TP53BP1: variants seen among roughly 807,000 people sequenced by gnomAD.
The protein encoded by TP53BP1 is tumor protein p53 binding protein 1.
TP53BP1 carries 61 observed loss-of-function variants against 200.8 expected under a neutral mutation model. The ratio of observed to expected loss-of-function variants is 0.30; its 90% CI spans 0.25 to 0.38. The LOEUF (loss-of-function observed/expected upper bound fraction) is 0.38. Among genes scored for constraint, TP53BP1 ranks in the 10% least tolerant of loss-of-function variants. The pLI is 1.00. For missense variants in TP53BP1, 2,144 were observed against 2,371.9 expected (o/e 0.90, Z 2.00); for synonymous variants, 822 against 844.3 (o/e 0.97, Z 0.46).
chr15:43,485,299 C>A (rs1478088822), intron 4 of TP53BP1, among the ~76,000 whole-genome samples: 1 of 152,114 alleles, frequency 6.6e-6, no homozygotes, highest in Non-Finnish European at 1.5e-5. Flanking sequence ...GTACTTTGGC[C>A]GGGCACGGTG....
intron 14 of TP53BP1, among the ~76,000 whole-genome samples, chr15:43,442,555 C>T (rs1334215350): frequency 6.6e-6 from 1 of 151,144 alleles, no homozygotes; most frequent in Non-Finnish European, 1.5e-5. Context: ...TAGAGTGCAG[C>T]GGCGTAATCT....
At chr15:43,494,562 T>G (rs1278058561), upstream of TP53BP1, among the ~76,000 whole-genome samples, 1 of 152,190 alleles carries the variant, frequency 6.6e-6, no homozygotes, top group African/African-American at 2.4e-5. Flanking sequence ...CAGAGATGCA[T>G]CTCACTTCTT....
chr15:43,488,367 T>A (rs1179438084), intron 4 of TP53BP1, among the ~76,000 whole-genome samples: 1 of 151,550 alleles, frequency 6.6e-6, no homozygotes, highest in Non-Finnish European at 1.5e-5. Flanking sequence ...TATTTTGAAA[T>A]GACATTTTAC....
At chr15:43,501,039 C>CAT (rs1476959532) in intron 1 of TP53BP1, among the ~76,000 whole-genome samples, 4 of 151,984 alleles carry the variant, frequency 2.6e-5, no homozygotes, top group African/African-American at 9.7e-5. Context: ...CTAAAAAACA[C>CAT]ATATATATAA....
chr15:43,406,479 C>A lies in TP53BP1; in HGVS notation c.*904G>T. 2.5e-6 allele frequency: 1 copy of A among 402,738 alleles called. No homozygotes were observed. 24.9% of individuals were successfully genotyped at this position (402,738 alleles called of 1,614,324 possible). A position where few individuals can be genotyped will look rare whatever the true frequency, so the allele number is the denominator to read the frequency against. On this transcript the variant is annotated 3_prime_UTR_variant, in exon 28 of 28. Transcript: ENST00000382044. The stretch of plus-strand genomic sequence containing the variant: ...TTTGTACAGTTTTACTGAAACACAG[C>A]CATGCCCATTTGTTTACTCATTGTC...
Position 43,428,003 on chromosome 15 carries a change from G to T in TP53BP1, c.3828+13C>A. ...GAAAGAAATTTGCCACACAGACTCAGAGTATGTATTACCTCAGTTACTTTT... is the reference window on the plus strand; with the variant it reads ...GAAAGAAATTTGCCACACAGACTCATAGTATGTATTACCTCAGTTACTTTT... On this transcript the variant is annotated intron_variant, in intron 18 of 27. Transcript: ENST00000382044. 1 of 1,547,808 alleles carries T rather than the reference G, an allele frequency of 6.5e-7. No individual in the cohort carries two copies.
In TP53BP1 at chr15:43,456,079, C is replaced by T. The variant is rs765979667; in HGVS notation, c.2529G>A (p.Val843=). ...QDSSQPSLPL[V]RADDPLRLDQ... ...CAAGTCTTAAAGGATCATCTGCTCT[C>T]ACTAAAGGTAAGGAAGGCTGTGAAG... The change falls in exon 12 of 28, where the codon GTG becomes GTA. Residue 843 remains valine, a synonymous_variant. Transcript: ENST00000382044. 1.2e-6 allele frequency: 2 copies of T among 1,614,214 alleles called. No individual in the cohort carries two copies. Among genetic ancestry groups the T allele is most frequent in the Non-Finnish European group, 1.7e-6 (2 of 1,180,042 alleles).
intron 10 of TP53BP1, among the ~76,000 whole-genome samples, chr15:43,473,093 T>A (rs1242344124): frequency 6.6e-6 from 1 of 152,138 alleles, no homozygotes; most frequent in Non-Finnish European, 1.5e-5. Flanking sequence ...TGTTCGTTCC[T>A]CCCAGTGGGC....
intron 1 of TP53BP1, among the ~76,000 whole-genome samples, chr15:43,492,742 C>T (rs1332178716): frequency 1.3e-5 from 2 of 151,440 alleles, no homozygotes; most frequent in East Asian, 3.9e-4. Context: ...CTAACCTCTT[C>T]TCTCCCCGCC....
chr15:43,509,164 C>G (rs2079255238), intron 1 of TP53BP1, among the ~76,000 whole-genome samples: 2 of 119,860 alleles, frequency 1.7e-5, no homozygotes. Context: ...TCTCCAAGCT[C>G]TTTTCCAGAT....
intron 1 of TP53BP1, among the ~76,000 whole-genome samples, chr15:43,508,070 A>G (rs929977115): frequency 6.6e-6 from 1 of 152,170 alleles, no homozygotes; most frequent in Non-Finnish European, 1.5e-5. Flanking sequence ...ACACTTAAAC[A>G]TATTTTCTGG....
At chr15:43,427,017 CAAAAAAAA>C (rs1230749433) in intron 18 of TP53BP1, among the ~76,000 whole-genome samples, 1 of 67,672 alleles carries the variant, frequency 1.5e-5, no homozygotes, top group Non-Finnish European at 3.0e-5. Flanking sequence ...GACTCTGCCT[CAAAAAAAA>C]AAAAAAAAAA....
chr15:43,412,386 C>T lies in TP53BP1; in HGVS notation c.5305+733G>A, dbSNP rs188406683. On this transcript the variant is annotated intron_variant, in intron 24 of 27. Coordinates refer to ENST00000382044, the MANE Select transcript of TP53BP1 (RefSeq NM_001141980.3). The stretch of plus-strand genomic sequence containing the variant: ...AACATCATTCCATCTGGACCTTTAG[C>T]CTTTACAGACACATTCAGATACTGC... Among the ~76,000 whole-genome samples, 41 of 152,252 alleles carry T rather than the reference C, an allele frequency of 2.7e-4. 1 individual carries two copies. The East Asian group carries it at 7.7e-3, about 29-fold the overall frequency.
chr15:43,463,759 C>CAT (rs2046495222), intron 11 of TP53BP1, among the ~76,000 whole-genome samples: 1 of 152,210 alleles, frequency 6.6e-6, no homozygotes, highest in Non-Finnish European at 1.5e-5. Flanking sequence ...CCCATAATCT[C>CAT]ACCCTGCCCC....
rs1267620308 is a variant in TP53BP1, at chr15:43,413,321, T to C, written c.5103A>G (p.Ala1701=). Reference sequence around the variant, plus strand: ...TCTCACAGGGGCTCACAAACTCTCCTGCCCCTACTGCACCTGGGAAGGACA... The same window carrying C: ...TCTCACAGGGGCTCACAAACTCTCCCGCCCCTACTGCACCTGGGAAGGACA... ...SATVKPGAVG[A]GEFVSPCESG... The change falls in exon 24 of 28, where the codon GCA becomes GCG. Residue 1701 remains alanine, a synonymous_variant. Coordinates refer to ENST00000382044, the MANE Select transcript of TP53BP1 (RefSeq NM_001141980.3). The C allele has an allele frequency of 6.2e-7, 1 of 1,613,814 alleles. No homozygotes were observed. The highest frequency in any genetic ancestry group is 8.5e-7 in the Non-Finnish European group (1 of 1,179,926).
chr15:43,405,079 C>T lies in TP53BP1; in HGVS notation c.*2304G>A, dbSNP rs2044821676. 2 of 1,137,042 alleles carry T rather than the reference C, an allele frequency of 1.8e-6. No homozygotes were observed. Among genetic ancestry groups the T allele is most frequent in the South Asian group, 2.8e-5 (2 of 71,072 alleles). The allele number at this position is 1,137,042 out of a possible 1,614,324, so 70.4% of individuals were successfully genotyped here. On this transcript the variant is annotated 3_prime_UTR_variant, in exon 28 of 28. Transcript: ENST00000382044. ...TTCTAAGCTATTGTAGCAGAAGAGT[C>T]AAAAGAAACTCTTCAGTTTTAAGAT...
intron 12 of TP53BP1, among the ~76,000 whole-genome samples, chr15:43,452,824 AAACAAGAATTC>A (rs2143008262): frequency 6.6e-6 from 1 of 152,306 alleles, no homozygotes; most frequent in Admixed American, 6.5e-5. Context: ...TTAACAATGT[AAACAAGAATTC>A]ATGAAGAATA....
chr15:43,484,331 G>A (rs545980080), intron 4 of TP53BP1, among the ~76,000 whole-genome samples: 79 of 152,210 alleles, frequency 5.2e-4, no homozygotes, highest in African/African-American at 1.8e-3. Flanking sequence ...TTCTTCATCT[G>A]CTTCAATCCT....
intron 2 of TP53BP1, 43 bp downstream of exon 2, chr15:43,492,237 TAAAA>T: frequency 7.6e-7 from 1 of 1,313,284 alleles, no homozygotes; most frequent in Non-Finnish European, 1.0e-6. Context: ...GTTTTCGGTT[TAAAA>T]AAAAAAATCT....
Sources: gnomAD v4.1 joint callset for allele counts (sites outside exome capture counted in the v4.1 genomes callset) on GRCh38, gnomAD v4.1.1 for gene constraint, MANE v1.5 for transcripts, NCBI Gene and HGNC (gene_info 2026-07-23, HGNC 2026-07-21) for gene names.